Variants in DCC observed in about 807,000 individuals in gnomAD.
DCC encodes the protein DCC netrin 1 receptor.
In DCC, 58 loss-of-function variants were observed where a neutral mutation model predicts 172.5. The ratio of observed to expected loss-of-function variants is 0.34; its 90% CI spans 0.27 to 0.42. The LOEUF (loss-of-function observed/expected upper bound fraction) is 0.42, where lower values mean the gene tolerates loss of function less well. DCC is among the 10% of genes least tolerant of loss of function. The pLI, the probability that DCC is intolerant of heterozygous loss-of-function variation, is 1.00. For synonymous variants in DCC, 709 were observed against 644.5 expected, an observed-to-expected ratio of 1.10 and a Z score of -1.52; for missense variants, 1,740 against 1,791.0, an observed-to-expected ratio of 0.97 and a Z score of 0.51.
At chr18:53,455,407 A>G (rs1356062037) in intron 23 of DCC, among the ~76,000 whole-genome samples, 3 of 152,178 alleles carry the variant, frequency 2.0e-5, no homozygotes, top group African/African-American at 7.2e-5. Flanking sequence ...TGGACACTCA[A>G]CCAATGTTGG....
rs777664859 is a variant in DCC, at chr18:53,400,994, T to C, written c.2828-1792T>C. Among the ~76,000 whole-genome samples, 27 of 152,182 alleles carry C rather than the reference T, an allele frequency of 1.8e-4. 1 individual carries two copies. Among genetic ancestry groups the C allele is most frequent in the Non-Finnish European group, 3.7e-4 (25 of 68,016 alleles). Reference sequence around the variant, plus strand: ...AGAAGTGGAAAATTCCTTATTACGTTTGATGTATACTAATCTAAGTTATTT... The same window carrying C: ...AGAAGTGGAAAATTCCTTATTACGTCTGATGTATACTAATCTAAGTTATTT... On this transcript the variant is annotated intron_variant, in intron 18 of 28. Coordinates refer to ENST00000442544, the MANE Select transcript of DCC (RefSeq NM_005215.4).
intron 5 of DCC, among the ~76,000 whole-genome samples, chr18:52,978,872 A>C (rs2041163846): frequency 6.6e-6 from 1 of 152,166 alleles, no homozygotes; most frequent in African/African-American, 2.4e-5. Flanking sequence ...AGCTCTATGC[A>C]ATTTGCTGCA....
At chr18:52,646,553 G>A (rs1259484653) in intron 1 of DCC, among the ~76,000 whole-genome samples, 2 of 152,174 alleles carry the variant, frequency 1.3e-5, no homozygotes, top group African/African-American at 4.8e-5. Flanking sequence ...TCGATTGGGG[G>A]TTCCCACAAC....
At chr18:53,068,810 T>TGTGTGTGTGTGTGTGTGTGTGTGTGTGG (rs2042612031) in intron 7 of DCC, among the ~76,000 whole-genome samples, 1 of 151,738 alleles carries the variant, frequency 6.6e-6, no homozygotes, top group Non-Finnish European at 1.5e-5. Context: ...TGTGTATGTG[T>TGTGTGTGTGTGTGTGTGTGTGTGTGTGG]GTGTGTGTTG....
At chr18:53,030,634 C>A (rs1273867179) in intron 5 of DCC, among the ~76,000 whole-genome samples, 1 of 152,052 alleles carries the variant, frequency 6.6e-6, no homozygotes, top group African/African-American at 2.4e-5. Flanking sequence ...TAGTATGTGC[C>A]TTTGCTTTCT....
intron 3 of DCC, among the ~76,000 whole-genome samples, chr18:52,919,429 T>C (rs942156681): frequency 4.6e-5 from 7 of 152,200 alleles, no homozygotes; most frequent in African/African-American, 9.6e-5. Context: ...TTTGAACTTA[T>C]CAAATGATAT....
chr18:53,209,237 C>G (rs2055708093), intron 11 of DCC, among the ~76,000 whole-genome samples: 1 of 151,988 alleles, frequency 6.6e-6, no homozygotes, highest in Admixed American at 6.6e-5. Flanking sequence ...AAACTAGAAA[C>G]CTAACTGCTA....
intron 1 of DCC, among the ~76,000 whole-genome samples, chr18:52,664,575 A>T (rs2035428842): frequency 7.3e-6 from 1 of 137,458 alleles, no homozygotes; most frequent in Non-Finnish European, 1.5e-5. Flanking sequence ...GGTTCACGCC[A>T]TTCTCCTGCC....
chr18:53,279,997 T>A (rs1172861525), intron 12 of DCC, among the ~76,000 whole-genome samples: 1 of 152,050 alleles, frequency 6.6e-6, no homozygotes, highest in African/African-American at 2.4e-5. Context: ...ACTATGCTTA[T>A]TACCTGGGTG....
intron 1 of DCC, among the ~76,000 whole-genome samples, chr18:52,548,397 C>A (rs2032673682): frequency 6.6e-6 from 1 of 151,992 alleles, no homozygotes; most frequent in Non-Finnish European, 1.5e-5. Flanking sequence ...AGGGGTTTTC[C>A]AGGAGAGAAG....
At chr18:53,087,414 C>A (rs2144163494) in intron 7 of DCC, among the ~76,000 whole-genome samples, 1 of 151,778 alleles carries the variant, frequency 6.6e-6, no homozygotes, top group East Asian at 1.9e-4. Context: ...TGAGAAGTGT[C>A]TGTTCATGTC....
chr18:52,347,693 C>A (rs1983938674), intron 1 of DCC, among the ~76,000 whole-genome samples: 1 of 152,064 alleles, frequency 6.6e-6, no homozygotes, highest in South Asian at 2.1e-4. Flanking sequence ...GCACCTGAAT[C>A]CCTTATTAGA....
intron 1 of DCC, among the ~76,000 whole-genome samples, chr18:52,504,294 C>G (rs550782015): frequency 2.6e-5 from 4 of 152,094 alleles, no homozygotes; most frequent in African/African-American, 7.2e-5. Context: ...ATCATGGAGG[C>G]CTTGAGTCTG....
chr18:52,774,369 A>G (rs915401117), intron 2 of DCC, among the ~76,000 whole-genome samples: 21 of 151,882 alleles, frequency 1.4e-4, no homozygotes, highest in African/African-American at 5.1e-4. Context: ...CCAAGAAAAA[A>G]CCCCAAGGTA....
At chr18:52,738,900 T>TA (rs59182653) in intron 1 of DCC, among the ~76,000 whole-genome samples, 6 of 141,420 alleles carry the variant, frequency 4.2e-5, no homozygotes, top group African/African-American at 1.6e-4. Context: ...TCTGGCTATT[T>TA]AAAAAAAAAA....
intron 7 of DCC, among the ~76,000 whole-genome samples, chr18:53,142,505 A>G (rs933293528): frequency 1.3e-5 from 2 of 152,152 alleles, no homozygotes; most frequent in South Asian, 2.1e-4. Flanking sequence ...GTCTTCATGG[A>G]GTCTACTCTT....
At chr18:53,037,066 T>C (rs935017931) in intron 5 of DCC, among the ~76,000 whole-genome samples, 51 of 151,998 alleles carry the variant, frequency 3.4e-4, no homozygotes, top group Admixed American at 3.4e-3. Context: ...CTGACTTCTC[T>C]TTACACAGAG....
At chr18:52,617,648 G>A (rs950674718) in intron 1 of DCC, among the ~76,000 whole-genome samples, 1 of 152,142 alleles carries the variant, frequency 6.6e-6, no homozygotes, top group Non-Finnish European at 1.5e-5. Flanking sequence ...TGGAAGGGAA[G>A]AAGTGGATCA....
intron 1 of DCC, among the ~76,000 whole-genome samples, chr18:52,370,684 A>G (rs927627690): frequency 2.0e-5 from 3 of 152,198 alleles, no homozygotes. Flanking sequence ...TGTAACAAAC[A>G]TGCACATTCT....
Sources: gnomAD v4.1 joint callset for allele counts (sites outside exome capture counted in the v4.1 genomes callset) on GRCh38, gnomAD v4.1.1 for gene constraint, MANE v1.5 for transcripts, NCBI Gene and HGNC (gene_info 2026-07-23, HGNC 2026-07-21) for gene names.